The following PRR16 variants were observed in gnomAD, a reference collection of about 807,000 sequenced individuals.
PRR16 encodes the protein protein Largen.
A neutral mutation model predicts 18.2 loss-of-function variants in PRR16; 6 were observed. The ratio of observed to expected loss-of-function variants is 0.33; its 90% CI spans 0.18 to 0.65. PRR16 has a LOEUF of 0.65. Among genes scored for constraint, PRR16 ranks in the 30% least tolerant of loss-of-function variants. The probability of loss-of-function intolerance (pLI) is 0.74; values close to 1 mark genes in which losing one functional copy is unlikely to be tolerated. For synonymous variants in PRR16, 151 were observed against 147.8 expected (o/e 1.02, Z -0.16); for missense variants, 412 against 376.6 (o/e 1.09, Z -0.78).
chr5:120,692,307 G>A (rs932684606), downstream of PRR16, among the ~76,000 whole-genome samples: 1 of 152,114 alleles, frequency 6.6e-6, no homozygotes, highest in African/African-American at 2.4e-5. Context: ...TCTTTGTTAC[G>A]AACTCTGTCA....
intron 1 of PRR16, among the ~76,000 whole-genome samples, chr5:120,500,786 T>C (rs1750424077): frequency 6.6e-6 from 1 of 152,196 alleles, no homozygotes; most frequent in Non-Finnish European, 1.5e-5. Context: ...TTTTATTTTC[T>C]GTTATTAAAA....
intron 1 of PRR16, among the ~76,000 whole-genome samples, chr5:120,639,149 T>C (rs1184933924): frequency 6.6e-6 from 1 of 152,160 alleles, no homozygotes; most frequent in Non-Finnish European, 1.5e-5. Context: ...AGTCATCTTA[T>C]GTATAATGAT....
the PRR16 span, among the ~76,000 whole-genome samples, chr5:120,792,896 T>G: frequency 6.6e-6 from 1 of 150,720 alleles, no homozygotes; most frequent in Admixed American, 6.6e-5. Flanking sequence ...TCACGCCTGT[T>G]AATCCAGAAC....
rs142021693 is a variant in PRR16, at chr5:120,663,723, T to C, written c.160-22231T>C. Among the ~76,000 whole-genome samples, 802 of 152,282 alleles carry C rather than the reference T, an allele frequency of 5.3e-3. 9 individuals are homozygous for C. Among genetic ancestry groups the C allele is most frequent in the African/African-American group, 0.017 (718 of 41,564 alleles). On this transcript the variant is annotated intron_variant, in intron 1 of 1. Coordinates refer to ENST00000407149, the MANE Select transcript of PRR16 (RefSeq NM_001300783.2). Reference sequence around the variant, plus strand: ...CACATTCATATCACTGTAGAGTATATGTATTTTTGGGAAAGGATTATTATT... The same window carrying C: ...CACATTCATATCACTGTAGAGTATACGTATTTTTGGGAAAGGATTATTATT...
chr5:120,711,103 T>C, the PRR16 span, among the ~76,000 whole-genome samples: 145,606 of 152,230 alleles, frequency 0.96, 69,885 homozygotes, highest in East Asian at 1. Flanking sequence ...GTAAAATTCT[T>C]TTGTTATATT....
At position 120,670,210 on chromosome 5, in the gene PRR16, A is replaced by G. The variant is rs550324328; in HGVS notation, c.160-15744A>G. On this transcript the variant is annotated intron_variant, in intron 1 of 1. Coordinates refer to ENST00000407149, the MANE Select transcript of PRR16 (RefSeq NM_001300783.2). ...TCTATGTTTTGCCTTTCTCAGTACCACATATAGAACATGTGTATTTATAGT... is the reference window on the plus strand; with the variant it reads ...TCTATGTTTTGCCTTTCTCAGTACCGCATATAGAACATGTGTATTTATAGT... Among the ~76,000 whole-genome samples, 3 of 152,240 alleles carry G rather than the reference A, an allele frequency of 2.0e-5. No homozygotes were observed. In the East Asian group the frequency reaches 5.8e-4, roughly 29 times the overall value.
the PRR16 span, among the ~76,000 whole-genome samples, chr5:120,754,751 T>G: frequency 6.7e-6 from 1 of 148,168 alleles, no homozygotes; most frequent in East Asian, 1.9e-4. Context: ...AGCAGATGAA[T>G]ATGATATTGA....
chr5:120,753,869 A>T, the PRR16 span, among the ~76,000 whole-genome samples: 1 of 59,686 alleles, frequency 1.7e-5, no homozygotes, highest in African/African-American at 7.8e-5. Context: ...TATCTTATAT[A>T]TTATATATTT....
At chr5:120,773,993 TAA>T in the PRR16 span, among the ~76,000 whole-genome samples, 1 of 150,982 alleles carries the variant, frequency 6.6e-6, no homozygotes, top group Non-Finnish European at 1.5e-5. Context: ...CAAAACTTGA[TAA>T]AGTTAATGTG....
chr5:120,703,559 A>G, the PRR16 span, among the ~76,000 whole-genome samples: 3 of 152,198 alleles, frequency 2.0e-5, no homozygotes, highest in East Asian at 3.9e-4. Context: ...TGCCATCCCA[A>G]TATGTATTTG....
the PRR16 span, among the ~76,000 whole-genome samples, chr5:120,715,988 G>A: frequency 6.6e-6 from 1 of 152,120 alleles, no homozygotes; most frequent in Non-Finnish European, 1.5e-5. Context: ...CTTTAGCAGT[G>A]GCGAGGATTA....
At chr5:120,503,987 G>A (rs1750557249) in intron 1 of PRR16, among the ~76,000 whole-genome samples, 1 of 151,770 alleles carries the variant, frequency 6.6e-6, no homozygotes, top group South Asian at 2.1e-4. Flanking sequence ...TTTTATGGCT[G>A]CATAGTATTC....
At chr5:120,469,029 A>G (rs756049248) in intron 1 of PRR16, among the ~76,000 whole-genome samples, 1 of 152,232 alleles carries the variant, frequency 6.6e-6, no homozygotes, top group Non-Finnish European at 1.5e-5. Flanking sequence ...CATTGTTGCC[A>G]TGGACTGGAA....
chr5:120,602,696 G>A (rs1754022172), intron 1 of PRR16, among the ~76,000 whole-genome samples: 1 of 151,914 alleles, frequency 6.6e-6, no homozygotes, highest in Admixed American at 6.6e-5. Flanking sequence ...GTTGGCTTTG[G>A]GTTTGTCATA....
chr5:120,734,682 A>G, the PRR16 span, among the ~76,000 whole-genome samples: 1 of 152,164 alleles, frequency 6.6e-6, no homozygotes, highest in Non-Finnish European at 1.5e-5. Context: ...TATATATTGC[A>G]GCACCTAGCA....
intron 1 of PRR16, among the ~76,000 whole-genome samples, chr5:120,490,152 G>A (rs1423729103): frequency 2.0e-5 from 3 of 152,094 alleles, no homozygotes; most frequent in Non-Finnish European, 4.4e-5. Context: ...TTCTCGAGGA[G>A]TATCTTTGTG....
At chr5:120,763,222 C>T in the PRR16 span, among the ~76,000 whole-genome samples, 1 of 152,182 alleles carries the variant, frequency 6.6e-6, no homozygotes, top group Non-Finnish European at 1.5e-5. Context: ...TATCGGCTCA[C>T]TGCAACCTCT....
intron 1 of PRR16, among the ~76,000 whole-genome samples, chr5:120,638,482 C>G (rs1755316129): frequency 6.6e-6 from 1 of 152,038 alleles, no homozygotes; most frequent in African/African-American, 2.4e-5. Flanking sequence ...GTGAACCAGG[C>G]ACTGTTTGAA....
chr5:120,475,809 A>G (rs557388084), intron 1 of PRR16, among the ~76,000 whole-genome samples: 1 of 152,294 alleles, frequency 6.6e-6, no homozygotes, highest in African/African-American at 2.4e-5. Flanking sequence ...GCTATTCCAT[A>G]TAGATAAAAT....
Sources: gnomAD v4.1 joint callset for allele counts (sites outside exome capture counted in the v4.1 genomes callset) on GRCh38, gnomAD v4.1.1 for gene constraint, MANE v1.5 for transcripts, NCBI Gene and HGNC (gene_info 2026-07-23, HGNC 2026-07-21) for gene names.